Variants in UFC1 observed in about 807,000 individuals in gnomAD.
The protein encoded by UFC1 is ubiquitin-fold modifier conjugating enzyme 1.
In UFC1, 22 loss-of-function variants were observed where a neutral mutation model predicts 28.0. The ratio of observed to expected loss-of-function variants is 0.78; its 90% CI spans 0.56 to 1.12. UFC1 has a LOEUF of 1.12. Ranked by LOEUF, UFC1 falls within the 50% of genes most tolerant of loss-of-function variation. UFC1 has a pLI of 0.00. For missense variants in UFC1, 189 were observed against 207.8 expected, an observed-to-expected ratio of 0.91 and a Z score of 0.56; for synonymous variants, 61 against 74.5, an observed-to-expected ratio of 0.82 and a Z score of 0.93.
At chr1:161,156,161 T>A (rs1657497376) in intron 1 of UFC1, among the ~76,000 whole-genome samples, 1 of 152,198 alleles carries the variant, frequency 6.6e-6, no homozygotes, top group South Asian at 2.1e-4. Context: ...CTATTCTCTG[T>A]TCTGGGCAGA....
At chr1:161,157,576 T>G (rs1291961926) in intron 3 of UFC1, 41 bp from the exon 4 acceptor site, 5 of 1,572,342 alleles carry the variant, frequency 3.2e-6, no homozygotes, top group Non-Finnish European at 4.4e-6. Flanking sequence ...AGTTCCTTTC[T>G]ATCCTGATTC....
Position 161,158,649 on chromosome 1 carries a change from AAC to A in UFC1, c.*164_*165del, listed in dbSNP as rs1375910594. The A allele has an allele frequency of 1.4e-6, 1 of 722,628 alleles. No homozygotes were observed. Among genetic ancestry groups the A allele is most frequent in the African/African-American group, 1.7e-5 (1 of 57,358 alleles). 44.8% of individuals were successfully genotyped at this position (722,628 alleles called of 1,614,324 possible). A position where few individuals can be genotyped will look rare whatever the true frequency, so the allele number is the denominator to read the frequency against. On this transcript the variant is annotated 3_prime_UTR_variant, in exon 6 of 6. Transcript: ENST00000368003. ...AGTAGGCATTGCTGGGGAAGAAACA[AAC>A]ACACACCAAACAGTACTGCTACTTA...
intron 3 of UFC1, 25 bp from the exon 4 acceptor site, chr1:161,157,592 T>C (rs1657554612): frequency 6.2e-7 from 1 of 1,600,088 alleles, no homozygotes; most frequent in African/African-American, 1.3e-5. Context: ...GATTCTGTTT[T>C]ATTAAGGTTT....
chr1:161,155,422 G>A (rs1657481552), intron 1 of UFC1, among the ~76,000 whole-genome samples: 1 of 152,188 alleles, frequency 6.6e-6, no homozygotes, highest in South Asian at 2.1e-4. Flanking sequence ...GCAGGGAATG[G>A]TAGACAAAGC....
intron 1 of UFC1, among the ~76,000 whole-genome samples, chr1:161,156,326 C>G (rs1271119596): frequency 6.7e-6 from 1 of 150,036 alleles, no homozygotes. Flanking sequence ...GTCAGGAGAT[C>G]GAGACCATCC....
At chr1:161,156,793 G>C (rs1454027320) in intron 1 of UFC1, among the ~76,000 whole-genome samples, 157 bp from the exon 2 acceptor site, 1 of 152,180 alleles carries the variant, frequency 6.6e-6, no homozygotes, top group Non-Finnish European at 1.5e-5. Context: ...AGTGAACCCA[G>C]ATTGCGCCAC....
chr1:161,156,756 C>T (rs1156679539), intron 1 of UFC1, among the ~76,000 whole-genome samples, 194 bp from the exon 2 acceptor site: 2 of 151,786 alleles, frequency 1.3e-5, no homozygotes, highest in African/African-American at 4.8e-5. Context: ...GAAGGAGAAT[C>T]GCTTGAACCT....
Position 161,154,076 on chromosome 1 carries a change from T to TTG in UFC1, c.82_83dup (p.Trp28CysfsTer6). The TTG allele has an allele frequency of 6.2e-7, 1 of 1,611,722 alleles. No homozygotes were observed. Among genetic ancestry groups the TTG allele is most frequent in the Non-Finnish European group, 8.5e-7 (1 of 1,179,252 alleles). Reference sequence around the variant, plus strand: ...TAACGCCGGACCCCGAGATCGTGAGTTGTGGGTGCAGCGACTGAAGGAGGA... The same window carrying TTG: ...TAACGCCGGACCCCGAGATCGTGAGTTGTGTGGGTGCAGCGACTGAAGGAGGA... On this transcript the variant is annotated frameshift_variant, in exon 1 of 6. Coordinates refer to ENST00000368003, the MANE Select transcript of UFC1 (RefSeq NM_016406.4). LOFTEE classifies it high-confidence loss of function.
At chr1:161,158,037 A>G in intron 4 of UFC1, 84 bp from the exon 5 acceptor site, 1 of 1,186,332 alleles carries the variant, frequency 8.4e-7, no homozygotes, top group Non-Finnish European at 1.3e-6. Flanking sequence ...TCTGATCACT[A>G]GTAGTCTTCC....
chr1:161,156,699 G>A (rs762807314), intron 1 of UFC1, among the ~76,000 whole-genome samples: 15 of 151,898 alleles, frequency 9.9e-5, no homozygotes, highest in Admixed American at 2.0e-4. Flanking sequence ...AAAATTATCC[G>A]GGCATGGTGG....
At chr1:161,157,773 A>G in intron 4 of UFC1, 80 bp downstream of exon 4, 1 of 1,173,358 alleles carries the variant, frequency 8.5e-7, no homozygotes, top group Non-Finnish European at 1.3e-6. Context: ...AGCATCAGGA[A>G]GAATAGCTAA....
At chr1:161,155,924 T>C (rs1322048310) in intron 1 of UFC1, among the ~76,000 whole-genome samples, 1 of 152,184 alleles carries the variant, frequency 6.6e-6, no homozygotes, top group Non-Finnish European at 1.5e-5. Context: ...TACTAAAGGC[T>C]GAAGTTCTGA....
intron 1 of UFC1, 51 bp from the exon 2 acceptor site, chr1:161,156,899 A>G (rs145750773): frequency 3.1e-5 from 46 of 1,475,122 alleles, no homozygotes; most frequent in Middle Eastern, 3.5e-4. Flanking sequence ...GGAGAGGGGG[A>G]CTGCCCTTGG....
In UFC1 at chr1:161,156,863, A is replaced by T. The variant is rs116334926; in HGVS notation, c.124-87A>T. The T allele has an allele frequency of 5.9e-4, 710 of 1,211,834 alleles. 3 individuals are homozygous for T. The African/African-American group carries it at 0.01, about 17-fold the overall frequency. The allele number at this position is 1,211,834 out of a possible 1,614,324, so 75.1% of individuals were successfully genotyped here. A position where few individuals can be genotyped will look rare whatever the true frequency, so the allele number is the denominator to read the frequency against. On this transcript the variant is annotated intron_variant, in intron 1 of 5. Coordinates refer to ENST00000368003, the MANE Select transcript of UFC1 (RefSeq NM_016406.4). ...ATCTCAATAAAAATAAAAAATAAAA[A>T]AAATAACCACATACTTTTCTTTTGA...
intron 4 of UFC1, 21 bp downstream of exon 4, chr1:161,157,714 G>A: frequency 6.2e-7 from 1 of 1,606,850 alleles, no homozygotes; most frequent in Non-Finnish European, 8.5e-7. Flanking sequence ...ATAGGAGATG[G>A]CAAAGAGTCA....
chr1:161,157,803 C>T, intron 4 of UFC1, 110 bp downstream of exon 4: 1 of 905,978 alleles, frequency 1.1e-6, no homozygotes, highest in Middle Eastern at 2.2e-4. Context: ...GGCTTGATGT[C>T]TGGGTGATGG....
chr1:161,154,735 C>T (rs1440302637), intron 1 of UFC1, among the ~76,000 whole-genome samples: 4 of 152,140 alleles, frequency 2.6e-5, no homozygotes, highest in African/African-American at 7.2e-5. Flanking sequence ...CTGATCCACC[C>T]GCCTCGGCCT....
rs148014700 is a variant in UFC1 at position 161,155,067 on chromosome 1, C to T, written c.123+947C>T. Among the ~76,000 whole-genome samples, 366 of 152,066 alleles carry T rather than the reference C, an allele frequency of 2.4e-3. 1 individual carries two copies. The highest frequency in any genetic ancestry group is 8.4e-3 in the African/African-American group (350 of 41,464). On this transcript the variant is annotated intron_variant, in intron 1 of 5. Coordinates refer to ENST00000368003, the MANE Select transcript of UFC1 (RefSeq NM_016406.4). ...ACCAAGCCGAATAAGGAGGAACTTA[C>T]TGAGGTAGACAAAACCAGATCATTA...
At chr1:161,155,093 T>TAATA (rs1657472495) in intron 1 of UFC1, among the ~76,000 whole-genome samples, 1 of 152,160 alleles carries the variant, frequency 6.6e-6, no homozygotes, top group Non-Finnish European at 1.5e-5. Flanking sequence ...CAGATCATTA[T>TAATA]AATACAGTGT....
Sources: gnomAD v4.1 joint callset for allele counts (sites outside exome capture counted in the v4.1 genomes callset) on GRCh38, gnomAD v4.1.1 for gene constraint, MANE v1.5 for transcripts, NCBI Gene and HGNC (gene_info 2026-07-23, HGNC 2026-07-21) for gene names.